DOK6: variants seen among roughly 807,000 people sequenced by gnomAD.
DOK6 encodes docking protein 6.
In DOK6, 22 loss-of-function variants were observed where a neutral mutation model predicts 44.0. The observed-to-expected ratio is 0.50, with a 90% confidence interval of 0.36 to 0.71. The LOEUF (loss-of-function observed/expected upper bound fraction) is 0.71, where lower values mean the gene tolerates loss of function less well. Among genes scored for constraint, DOK6 ranks in the 30% least tolerant of loss-of-function variants. The pLI, the probability that DOK6 is intolerant of heterozygous loss-of-function variation, is 0.00. For synonymous variants in DOK6, 166 were observed against 145.5 expected (o/e 1.14, Z -1.01); for missense variants, 340 against 416.4 (o/e 0.82, Z 1.60).
At chr18:69,738,892 T>C in intron 5 of DOK6, 73 bp from the exon 6 acceptor site, 1 of 1,567,200 alleles carries the variant, frequency 6.4e-7, no homozygotes, top group Non-Finnish European at 8.7e-7. Context: ...GGCAAGGGCT[T>C]TGTCTACGTG....
At chr18:69,672,567 G>T (rs957955176) in intron 3 of DOK6, among the ~76,000 whole-genome samples, 1 of 151,812 alleles carries the variant, frequency 6.6e-6, no homozygotes, top group African/African-American at 2.4e-5. Flanking sequence ...CATGTTGGCC[G>T]GGCTGGTCTC....
chr18:69,624,786 C>G (rs1463374815), intron 3 of DOK6, among the ~76,000 whole-genome samples: 1 of 152,034 alleles, frequency 6.6e-6, no homozygotes, highest in South Asian at 2.1e-4. Context: ...ATATTAGAAG[C>G]CAATTCTTTC....
At chr18:69,623,183 C>G (rs1984482511) in intron 3 of DOK6, among the ~76,000 whole-genome samples, 1 of 152,100 alleles carries the variant, frequency 6.6e-6, no homozygotes, top group South Asian at 2.1e-4. Context: ...GCCAGCTTCC[C>G]CTTCACTTTC....
chr18:69,751,126 C>T (rs919870673), intron 6 of DOK6, among the ~76,000 whole-genome samples: 10 of 152,076 alleles, frequency 6.6e-5, no homozygotes, highest in South Asian at 2.1e-4. Flanking sequence ...AGGGAGATGA[C>T]GGTCAAAGGG....
At chr18:69,545,250 G>A (rs1599183908) in intron 1 of DOK6, among the ~76,000 whole-genome samples, 1 of 151,024 alleles carries the variant, frequency 6.6e-6, no homozygotes, top group African/African-American at 2.4e-5. Context: ...CTTGAAGGGT[G>A]TAATTTTAAG....
At chr18:69,714,770 T>G (rs866701726) in intron 5 of DOK6, among the ~76,000 whole-genome samples, 2 of 152,216 alleles carry the variant, frequency 1.3e-5, no homozygotes, top group African/African-American at 4.8e-5. Context: ...TTTAGCAATA[T>G]TTTCATAAAA....
rs1980227408 is a variant in DOK6, at chr18:69,475,222, G to A, written c.66+73912G>A. Among the ~76,000 whole-genome samples the A allele has an allele frequency of 1.3e-5, 2 of 152,182 alleles. 1 individual carries two copies. Among genetic ancestry groups the A allele is most frequent in the Admixed American group, 1.3e-4 (2 of 15,282 alleles). ...GGAAAAAAGAAAATGTGGTTAGGTA[G>A]AGGAGAGTATTGGAATCTTACTTTC... On this transcript the variant is annotated intron_variant, in intron 1 of 7. Transcript: ENST00000382713.
chr18:69,525,339 T>C (rs1184454097), intron 1 of DOK6, among the ~76,000 whole-genome samples: 1 of 152,008 alleles, frequency 6.6e-6, no homozygotes, highest in East Asian at 1.9e-4. Context: ...AAAATTTTAA[T>C]CTAAAACTCT....
chr18:69,538,906 A>G (rs10513964), intron 1 of DOK6, among the ~76,000 whole-genome samples: 27,367 of 151,892 alleles, frequency 0.18, 4,253 homozygotes, highest in African/African-American at 0.42. Context: ...TGGATGGTTT[A>G]TCTAAGTCTC....
chr18:69,805,661 A>G (rs1981032005), intron 7 of DOK6, among the ~76,000 whole-genome samples: 1 of 152,144 alleles, frequency 6.6e-6, no homozygotes, highest in African/African-American at 2.4e-5. Context: ...AATAAACCAA[A>G]CAGACCATAG....
At chr18:69,435,041 A>AAGGAAGGAAGGAAGGAC (rs1568256532) in intron 1 of DOK6, among the ~76,000 whole-genome samples, 3 of 43,412 alleles carry the variant, frequency 6.9e-5, no homozygotes, top group South Asian at 1.6e-3. Context: ...GAAGGAAGGA[A>AAGGAAGGAAGGAAGGAC]GGAAGGAAGG....
intron 3 of DOK6, among the ~76,000 whole-genome samples, chr18:69,603,316 C>A (rs1317617279): frequency 1.3e-5 from 2 of 152,168 alleles, no homozygotes; most frequent in Non-Finnish European, 2.9e-5. Flanking sequence ...CAAAAACCTA[C>A]CCTTGTAGCC....
chr18:69,502,682 T>C (rs1364513415), intron 1 of DOK6, among the ~76,000 whole-genome samples: 1 of 152,092 alleles, frequency 6.6e-6, no homozygotes, highest in East Asian at 1.9e-4. Flanking sequence ...TGTTATTTAG[T>C]GTGCCATCAG....
intron 3 of DOK6, among the ~76,000 whole-genome samples, chr18:69,629,934 G>A (rs1984652206): frequency 6.6e-6 from 1 of 151,840 alleles, no homozygotes; most frequent in African/African-American, 2.4e-5. Context: ...GGGATTACAG[G>A]TGCTAATTTG....
At chr18:69,518,770 T>C (rs927648534) in intron 1 of DOK6, among the ~76,000 whole-genome samples, 7 of 152,288 alleles carry the variant, frequency 4.6e-5, no homozygotes, top group South Asian at 4.1e-4. Flanking sequence ...AATCATGCTA[T>C]GTAAAAGGAA....
At chr18:69,740,612 T>C (rs1296772210) in intron 6 of DOK6, among the ~76,000 whole-genome samples, 1 of 152,242 alleles carries the variant, frequency 6.6e-6, no homozygotes, top group Non-Finnish European at 1.5e-5. Flanking sequence ...GTTGGTGCTC[T>C]GGGCTTGCAT....
chr18:69,796,718 C>T (rs1489958705), intron 7 of DOK6, among the ~76,000 whole-genome samples: 1 of 152,220 alleles, frequency 6.6e-6, no homozygotes, highest in East Asian at 1.9e-4. Context: ...CTAGACAAAG[C>T]ACACATGTCC....
intron 4 of DOK6, among the ~76,000 whole-genome samples, chr18:69,678,571 T>C (rs1985976521): frequency 6.6e-6 from 1 of 152,184 alleles, no homozygotes. Context: ...AATCTCAGGG[T>C]TTCACAAAAC....
At chr18:69,750,356 G>T (rs559424069) in intron 6 of DOK6, among the ~76,000 whole-genome samples, 1 of 151,982 alleles carries the variant, frequency 6.6e-6, no homozygotes, top group Non-Finnish European at 1.5e-5. Context: ...CAGTCAGAAA[G>T]CTTTGTGAAT....
Sources: allele counts gnomAD v4.1 joint callset (sites outside exome capture counted in the v4.1 genomes callset), GRCh38; gene constraint gnomAD v4.1.1; transcripts MANE v1.5; gene names NCBI Gene and HGNC (gene_info 2026-07-23, HGNC 2026-07-21).